Variants in CXCL13 observed in about 807,000 individuals in gnomAD.
CXCL13 encodes C-X-C motif chemokine ligand 13, also known as C-X-C motif chemokine 13.
CXCL13 carries 7 observed loss-of-function variants against 12.2 expected under a neutral mutation model. The ratio of observed to expected loss-of-function variants is 0.57; its 90% CI spans 0.33 to 1.07. CXCL13 has a LOEUF of 1.07. Among genes scored for constraint, CXCL13 ranks in the 50% least tolerant of loss-of-function variants. The pLI is 0.04. For missense variants in CXCL13, 113 were observed against 127.4 expected, an observed-to-expected ratio of 0.89 and a Z score of 0.55; for synonymous variants, 47 against 42.4, an observed-to-expected ratio of 1.11 and a Z score of -0.42.
rs1726021884 is a variant in CXCL13, at chr4:77,569,734, TA to T, written c.-42-36087del. Reference sequence around the variant, plus strand: ...TTGATAGATTCAATGCTATTCCTATTAAACTACCAAGGACATTCTTCACAGA... The same window carrying T: ...TTGATAGATTCAATGCTATTCCTATTAACTACCAAGGACATTCTTCACAGA... On this transcript the variant is annotated intron_variant, in intron 1 of 4. Transcript: ENST00000286758. Among the ~76,000 whole-genome samples the T allele has an allele frequency of 2.0e-5, 3 of 152,144 alleles. No individual in the cohort carries two copies. The South Asian group carries it at 6.2e-4, about 32-fold the overall frequency.
At chr4:77,528,162 C>T (rs1251595371) in intron 1 of CXCL13, among the ~76,000 whole-genome samples, 1 of 152,176 alleles carries the variant, frequency 6.6e-6, no homozygotes, top group Admixed American at 6.5e-5. Flanking sequence ...GCCACATTTT[C>T]TTAATCCAGT....
intron 1 of CXCL13, among the ~76,000 whole-genome samples, chr4:77,581,782 A>G (rs1246866544): frequency 1.3e-5 from 2 of 152,162 alleles, no homozygotes; most frequent in African/African-American, 2.4e-5. Context: ...TATCATAAAA[A>G]TTGTCAGCCA....
chr4:77,580,369 C>A (rs1726298173), intron 1 of CXCL13, among the ~76,000 whole-genome samples: 1 of 82,046 alleles, frequency 1.2e-5, no homozygotes, highest in Non-Finnish European at 2.2e-5. Context: ...TCTCTTTCAC[C>A]AGGCTGGAGT....
At chr4:77,603,860 T>C (rs375972823), upstream of CXCL13, among the ~76,000 whole-genome samples, 24 of 152,226 alleles carry the variant, frequency 1.6e-4, 4 homozygotes, top group Admixed American at 1.2e-3. Flanking sequence ...CCGAACCCTC[T>C]ACATATACCA....
intron 1 of CXCL13, among the ~76,000 whole-genome samples, chr4:77,562,674 G>A (rs370493932): frequency 5.1e-4 from 71 of 139,352 alleles, no homozygotes; most frequent in African/African-American, 2.2e-3. Flanking sequence ...GAACCTTTAT[G>A]TCTAGCTAAA....
chr4:77,559,693 C>A (rs1379408666), intron 1 of CXCL13, among the ~76,000 whole-genome samples: 3 of 152,000 alleles, frequency 2.0e-5, no homozygotes, highest in African/African-American at 7.3e-5. Flanking sequence ...GAGGCCGAGG[C>A]AGGCAGATCA....
intron 1 of CXCL13, among the ~76,000 whole-genome samples, chr4:77,536,260 TG>T (rs1433836950): frequency 6.6e-6 from 1 of 152,228 alleles, no homozygotes; most frequent in Non-Finnish European, 1.5e-5. Flanking sequence ...AAAGTTGAAA[TG>T]CCTAAATTTT....
At chr4:77,537,772 C>A (rs2109798821) in intron 1 of CXCL13, among the ~76,000 whole-genome samples, 1 of 152,192 alleles carries the variant, frequency 6.6e-6, no homozygotes, top group Middle Eastern at 3.4e-3. Flanking sequence ...CCATTCTTAA[C>A]CCATGCAGTT....
At chr4:77,569,471 A>G (rs1488875476) in intron 1 of CXCL13, among the ~76,000 whole-genome samples, 1 of 152,110 alleles carries the variant, frequency 6.6e-6, no homozygotes, top group Non-Finnish European at 1.5e-5. Context: ...TACTCCAACA[A>G]CTGTCAAACC....
intron 1 of CXCL13, among the ~76,000 whole-genome samples, chr4:77,586,337 G>A (rs1023204779): frequency 2.6e-4 from 40 of 151,956 alleles, no homozygotes; most frequent in African/African-American, 9.2e-4. Flanking sequence ...CAAGATAATT[G>A]AATTTGGTGA....
chr4:77,565,208 AG>A (rs1401568358), intron 1 of CXCL13, among the ~76,000 whole-genome samples: 1 of 152,236 alleles, frequency 6.6e-6, no homozygotes. Flanking sequence ...GTTTGCAAAA[AG>A]AAGATGAGGT....
At chr4:77,573,199 T>A (rs1386456416) in intron 1 of CXCL13, among the ~76,000 whole-genome samples, 2 of 151,890 alleles carry the variant, frequency 1.3e-5, no homozygotes, top group African/African-American at 4.9e-5. Context: ...CAAGTTTACC[T>A]ATGTAACAAA....
At chr4:77,550,480 A>G (rs115816979) in intron 1 of CXCL13, among the ~76,000 whole-genome samples, 3,431 of 152,318 alleles carry the variant, frequency 0.023, 47 homozygotes, top group South Asian at 0.03. Context: ...CTATTCAGCC[A>G]TCTGGGAACA....
intron 1 of CXCL13, among the ~76,000 whole-genome samples, chr4:77,530,273 G>C (rs1057077271): frequency 6.6e-6 from 1 of 152,160 alleles, no homozygotes; most frequent in South Asian, 2.1e-4. Context: ...TTTGGTGTCA[G>C]GATGATGCTG....
chr4:77,524,570 C>T (rs561990997), intron 1 of CXCL13, among the ~76,000 whole-genome samples: 2 of 152,168 alleles, frequency 1.3e-5, no homozygotes, highest in East Asian at 3.9e-4. Flanking sequence ...GCTAAGACCT[C>T]GGGAAAAGTT....
intron 1 of CXCL13, among the ~76,000 whole-genome samples, chr4:77,523,327 C>T (rs906690665): frequency 1.3e-4 from 20 of 152,152 alleles, no homozygotes; most frequent in Admixed American, 5.2e-4. Flanking sequence ...TCCATTCTCC[C>T]GATCACTTTC....
At position 77,530,314 on chromosome 4, in the gene CXCL13, T is replaced by G. The variant is rs190116025; in HGVS notation, c.-43+18526T>G. On this transcript the variant is annotated intron_variant, in intron 1 of 4. Coordinates refer to the CXCL13 transcript ENST00000286758. Reference sequence around the variant, plus strand: ...ATAAAATGAGTTAAGGAGGATTCCCTCTTTTTCTATTGATTGGAATAGTTT... The same window carrying G: ...ATAAAATGAGTTAAGGAGGATTCCCGCTTTTTCTATTGATTGGAATAGTTT... Among the ~76,000 whole-genome samples the G allele has an allele frequency of 1.1e-3, 161 of 152,344 alleles. 3 individuals are homozygous for G. The East Asian group carries it at 0.025, about 24-fold the overall frequency.
intron 1 of CXCL13, among the ~76,000 whole-genome samples, chr4:77,515,801 C>A (rs1413433528): frequency 6.6e-6 from 1 of 152,166 alleles, no homozygotes; most frequent in South Asian, 2.1e-4. Flanking sequence ...CCCTTTATTT[C>A]CTTCTCCTGA....
intron 2 of CXCL13, 129 bp downstream of exon 2, chr4:77,607,964 T>A: frequency 3.2e-6 from 3 of 946,206 alleles, no homozygotes; most frequent in Non-Finnish European, 4.7e-6. Flanking sequence ...ATTCTCAAAC[T>A]AATAATGAAA....
Sources: allele counts gnomAD v4.1 joint callset (sites outside exome capture counted in the v4.1 genomes callset), GRCh38; gene constraint gnomAD v4.1.1; transcripts MANE v1.5; gene names NCBI Gene and HGNC (gene_info 2026-07-23, HGNC 2026-07-21).